ZNF66: variants seen among roughly 807,000 people sequenced by gnomAD.
ZNF66 encodes zinc finger protein 66, also known as putative zinc finger protein 66.
A neutral mutation model predicts 35.2 loss-of-function variants in ZNF66; 32 were observed. The observed-to-expected ratio is 0.91, with a 90% CI of 0.69 to 1.22. ZNF66 has a LOEUF of 1.22. ZNF66 is among the 50% of genes most tolerant of loss of function. The pLI, the probability that ZNF66 is intolerant of heterozygous loss-of-function variation, is 0.00. For synonymous variants in ZNF66, 231 were observed against 181.3 expected, an observed-to-expected ratio of 1.27 and a Z score of -2.20; for missense variants, 666 against 543.1, an observed-to-expected ratio of 1.23 and a Z score of -2.25.
intron 1 of ZNF66, 124 bp downstream of exon 1, chr19:20,776,574 T>A (rs1971196604): frequency 7.6e-7 from 1 of 1,312,162 alleles, no homozygotes; most frequent in Admixed American, 1.8e-5. Context: ...CTCAGTCCCA[T>A]TCAGCCATAA....
intron 1 of ZNF66, among the ~76,000 whole-genome samples, chr19:20,783,507 T>C (rs921258498): frequency 6.6e-6 from 1 of 152,218 alleles, no homozygotes; most frequent in African/African-American, 2.4e-5. Flanking sequence ...TTTTTGCTTC[T>C]GAAAAGTTTA....
intron 1 of ZNF66, among the ~76,000 whole-genome samples, chr19:20,792,281 T>A (rs1971345024): frequency 6.6e-6 from 1 of 152,138 alleles, no homozygotes; most frequent in African/African-American, 2.4e-5. Flanking sequence ...TTATAGTTTA[T>A]TTTCTAGAAA....
chr19:20,792,807 C>A (rs1264534258), intron 2 of ZNF66, among the ~76,000 whole-genome samples, 169 bp downstream of exon 2: 1 of 152,098 alleles, frequency 6.6e-6, no homozygotes, highest in Non-Finnish European at 1.5e-5. Context: ...GTGCCTCATG[C>A]CTGTAATCCC....
At chr19:20,792,431 ACT>A in intron 1 of ZNF66, 79 bp from the exon 2 acceptor site, 1 of 1,259,050 alleles carries the variant, frequency 7.9e-7, no homozygotes, top group Non-Finnish European at 1.1e-6. Flanking sequence ...AGTTATCTTT[ACT>A]CTCTCATTTC....
intron 1 of ZNF66, among the ~76,000 whole-genome samples, chr19:20,785,649 T>A (rs1029144641): frequency 6.6e-6 from 1 of 152,204 alleles, no homozygotes; most frequent in Admixed American, 6.5e-5. Flanking sequence ...CAAGTTTAAT[T>A]TTATAAGAAA....
chr19:20,791,330 T>C (rs1307967202), intron 1 of ZNF66, among the ~76,000 whole-genome samples: 1 of 151,802 alleles, frequency 6.6e-6, no homozygotes, highest in African/African-American at 2.4e-5. Flanking sequence ...ACTAAAAATA[T>C]AACAATTAGC....
At position 20,808,723 on chromosome 19, in the gene ZNF66, A is replaced by G. The variant is rs1971553446; in HGVS notation, c.*1401A>G. ...ATCACCATCATCAAAGACCAAAAGT[A>G]GATAAAACCACAAAGATGGGGAAAA... is the stretch of plus-strand genomic sequence containing the variant. On this transcript the variant is annotated 3_prime_UTR_variant, in exon 4 of 4. Transcript: ENST00000344519. Among the ~76,000 whole-genome samples, 1 of 152,126 alleles carries G rather than the reference A, an allele frequency of 6.6e-6. No homozygotes were observed. The highest frequency in any genetic ancestry group is 1.5e-5 in the Non-Finnish European group (1 of 68,012).
intron 3 of ZNF66, among the ~76,000 whole-genome samples, chr19:20,801,405 G>C (rs1467172762): frequency 6.8e-6 from 1 of 147,460 alleles, no homozygotes; most frequent in South Asian, 2.1e-4. Context: ...GTGCAATGGT[G>C]CAATCTCAGC....
At chr19:20,794,886 T>TTTTTG (rs1971376380) in intron 3 of ZNF66, among the ~76,000 whole-genome samples, 1 of 151,470 alleles carries the variant, frequency 6.6e-6, no homozygotes, top group Non-Finnish European at 1.5e-5. Context: ...TTTTTTTTTT[T>TTTTTG]TTGAGAGGGG....
intron 2 of ZNF66, among the ~76,000 whole-genome samples, chr19:20,793,332 C>CTTTTTTTTTTT (rs781748526): frequency 3.1e-4 from 26 of 84,600 alleles, no homozygotes; most frequent in South Asian, 4.7e-4. Flanking sequence ...CTTTTCTTTT[C>CTTTTTTTTTTT]TTTTTTTTTT....
In ZNF66 at chr19:20,808,359, C is replaced by T. The variant is rs771417142; in HGVS notation, c.*1037C>T. ...AGCTTTGAAGAGAGTAGTGGTTCTC[C>T]CAGCACGCAGCTGGAGATCTGAGAA... On this transcript the variant is annotated 3_prime_UTR_variant, in exon 4 of 4. Transcript: ENST00000344519. 6.6e-6 allele frequency among the ~76,000 whole-genome samples: 1 copy of T among 152,176 alleles called. No individual in the cohort carries two copies. The highest frequency in any genetic ancestry group is 1.5e-5 in the Non-Finnish European group (1 of 68,028).
chr19:20,809,357 C>G lies in ZNF66; in HGVS notation c.*2035C>G, dbSNP rs1241435325. On this transcript the variant is annotated 3_prime_UTR_variant, in exon 4 of 4. Transcript: ENST00000344519. ...CCACAAAGATACTCCTTGAGAAGAG[C>G]AACTCCAAGACACATAATTGTCAGA... Among the ~76,000 whole-genome samples, 1 of 152,040 alleles carries G rather than the reference C, an allele frequency of 6.6e-6. No individual in the cohort carries two copies.
chr19:20,802,666 T>C (rs1341403993), intron 3 of ZNF66, among the ~76,000 whole-genome samples: 2 of 152,200 alleles, frequency 1.3e-5, no homozygotes, highest in African/African-American at 4.8e-5. Context: ...CCTGATGTTG[T>C]TGAGGAGTGT....
chr19:20,804,525 G>A (rs1205147975), intron 3 of ZNF66, among the ~76,000 whole-genome samples: 1 of 152,154 alleles, frequency 6.6e-6, no homozygotes, highest in Non-Finnish European at 1.5e-5. Context: ...GATTACAGGT[G>A]TGAGCCATCC....
Position 20,809,984 on chromosome 19 carries a change from A to T in ZNF66, c.*2662A>T, listed in dbSNP as rs909843504. Among the ~76,000 whole-genome samples the T allele has an allele frequency of 6.6e-6, 1 of 152,230 alleles. No homozygotes were observed. The highest frequency in any genetic ancestry group is 2.4e-5 in the African/African-American group (1 of 41,464). On this transcript the variant is annotated 3_prime_UTR_variant, in exon 4 of 4. Transcript: ENST00000344519. ...AGGCTCAAAATAAAAGGATGGAGGA[A>T]GATCTACGAAGCAAATGGAAAACAA... is the stretch of plus-strand genomic sequence containing the variant.
chr19:20,778,361 A>G (rs1971214773), intron 1 of ZNF66, among the ~76,000 whole-genome samples: 1 of 152,196 alleles, frequency 6.6e-6, no homozygotes, highest in African/African-American at 2.4e-5. Context: ...TGGCCTTCCA[A>G]AGTGTTGGGA....
Position 20,808,169 on chromosome 19 carries a change from C to T in ZNF66, c.*847C>T, listed in dbSNP as rs568063770. Reference sequence around the variant, plus strand: ...AGCGAGGCTGGGGGAGGAGCGCCTGCCATTGCCCAGGCTTGCTTAGGTAAA... The same window carrying T: ...AGCGAGGCTGGGGGAGGAGCGCCTGTCATTGCCCAGGCTTGCTTAGGTAAA... On this transcript the variant is annotated 3_prime_UTR_variant, in exon 4 of 4. Coordinates refer to ENST00000344519, the MANE Select transcript of ZNF66 (RefSeq NM_001355197.2). 2.0e-4 allele frequency among the ~76,000 whole-genome samples: 30 copies of T among 152,306 alleles called. No homozygotes were observed. Among genetic ancestry groups the T allele is most frequent in the African/African-American group, 7.2e-4 (30 of 41,580 alleles).
At chr19:20,785,751 G>GTTTTTTTTTTTTTTTTT (rs1171317364) in intron 1 of ZNF66, among the ~76,000 whole-genome samples, 1 of 148,638 alleles carries the variant, frequency 6.7e-6, no homozygotes, top group African/African-American at 2.5e-5. Flanking sequence ...TTCTTTTTCT[G>GTTTTTTTTTTTTTTTTT]TTTTTGTTTG....
rs748262631 is a variant in ZNF66, at chr19:20,806,831, C to T, written c.1231C>T (p.Pro411Ser). Residue 411 changes from proline (P) to serine (S), a missense_variant, in exon 4 of 4, where the codon CCC becomes TCC. Transcript: ENST00000344519. ...ECGKVFKHSS[P>S]LSKHKRIHTG... Reference sequence around the variant, plus strand: ...TGGCAAAGTGTTTAAGCACTCCTCTCCCCTTTCTAAACATAAGAGAATTCA... The same window carrying T: ...TGGCAAAGTGTTTAAGCACTCCTCTTCCCTTTCTAAACATAAGAGAATTCA... 10 of 1,293,968 alleles carry T rather than the reference C, an allele frequency of 7.7e-6. No individual in the cohort carries two copies. The South Asian group carries it at 1.1e-4, about 14-fold the overall frequency. 80.2% of individuals were successfully genotyped at this position (1,293,968 alleles called of 1,614,324 possible). A position where few individuals can be genotyped will look rare whatever the true frequency, so the allele number is the denominator to read the frequency against.
Sources: allele counts gnomAD v4.1 joint callset (sites outside exome capture counted in the v4.1 genomes callset), GRCh38; gene constraint gnomAD v4.1.1; transcripts MANE v1.5; gene names NCBI Gene and HGNC (gene_info 2026-07-23, HGNC 2026-07-21).